RIF1: variants seen among roughly 807,000 people sequenced by gnomAD.
RIF1 encodes replication timing regulatory factor 1.
Under a neutral mutation model 247.1 loss-of-function variants are expected in RIF1, and 45 were observed. That is an observed-to-expected ratio of 0.18 (90% confidence interval 0.14 to 0.23). The LOEUF (loss-of-function observed/expected upper bound fraction) is 0.23, where lower values mean the gene tolerates loss of function less well. Ranked by LOEUF, RIF1 falls within the 10% of genes least tolerant of loss-of-function variation. RIF1 has a pLI of 1.00. For synonymous variants in RIF1, 1,087 were observed against 978.8 expected, an observed-to-expected ratio of 1.11 and a Z score of -2.06; for missense variants, 2,967 against 2,862.5, an observed-to-expected ratio of 1.04 and a Z score of -0.83.
chr2:151,493,274 T>G, intron 9 of RIF1: 5 of 1,090,334 alleles, frequency 4.6e-6, no homozygotes, highest in African/African-American at 1.6e-5. Flanking sequence ...TTCAGTTGAA[T>G]GAGAAAGGCG....
intron 18 of RIF1, among the ~76,000 whole-genome samples, chr2:151,444,291 A>C (rs1020662759): frequency 5.3e-5 from 8 of 152,164 alleles, no homozygotes; most frequent in Admixed American, 2.0e-4. Flanking sequence ...TCAAAAATGA[A>C]ATAACTCGAA....
In RIF1 at chr2:151,456,586, A is replaced by T; in HGVS notation, c.2618A>T (p.Glu873Val). Residue 873 changes from glutamate to valine, a missense_variant, in exon 23 of 36, where the codon GAA becomes GTA. Glu to Val is a moderately radical substitution (Grantham distance 121, BLOSUM62 -2). Coordinates refer to ENST00000444746, the MANE Select transcript of RIF1 (RefSeq NM_018151.5). ...TATTTTATCCTTCCTAGGCTTGATG[A>T]AGTTCCTAAAGTATATAGTTGTCTG... ...ALFYENSKLD[E>V]VPKVYSCLNN... 1 of 1,524,526 alleles carries T rather than the reference A, an allele frequency of 6.6e-7. No individual in the cohort carries two copies. The highest frequency in any genetic ancestry group is 9.0e-7 in the Non-Finnish European group (1 of 1,107,570). The allele number at this position is 1,524,526 out of a possible 1,614,324, so 94.4% of individuals were successfully genotyped here. A position where few individuals can be genotyped will look rare whatever the true frequency, so the allele number is the denominator to read the frequency against.
Position 151,469,884 on chromosome 2 carries a change from C to T in RIF1, c.7095+20C>T. Reference sequence around the variant, plus strand: ...CAGCAGGTAAAAACTTAGATATTAGCTATGATGTATATTAATAAATGATGT... The same window carrying T: ...CAGCAGGTAAAAACTTAGATATTAGTTATGATGTATATTAATAAATGATGT... On this transcript the variant is annotated intron_variant, in intron 34 of 35. Coordinates refer to ENST00000444746, the MANE Select transcript of RIF1 (RefSeq NM_018151.5). 6.4e-7 allele frequency: 1 copy of T among 1,552,424 alleles called. No individual in the cohort carries two copies. The highest frequency in any genetic ancestry group is 8.8e-7 in the Non-Finnish European group (1 of 1,140,408).
At position 151,465,081 on chromosome 2, in the gene RIF1, C is replaced by T. The variant is rs559164678; in HGVS notation, c.5561C>T (p.Ser1854Leu). ...SEAMSLESQE[S>L]PNENFKTVGP... is the part of the protein sequence containing the mutation. ...GCAATGTCTCTTGAAAGCCAGGAGTCACCTAATGAAAATTTTAAAACTGTT... is the reference window on the plus strand; with the variant it reads ...GCAATGTCTCTTGAAAGCCAGGAGTTACCTAATGAAAATTTTAAAACTGTT... Residue 1854 changes from serine to leucine, a missense_variant, in exon 30 of 36, where the codon TCA becomes TTA. Ser to Leu is a moderately radical substitution (Grantham distance 145). Transcript: ENST00000444746. The T allele has an allele frequency of 1.2e-5, 20 of 1,602,242 alleles. No individual in the cohort carries two copies. In the Admixed American group the frequency reaches 2.5e-4, roughly 20 times the overall value.
At chr2:151,492,051 C>T (rs776252260) in intron 9 of RIF1, 2 of 1,570,912 alleles carry the variant, frequency 1.3e-6, no homozygotes, top group Non-Finnish European at 1.7e-6. Flanking sequence ...TGTTCTTCTA[C>T]CCCCTCACTT....
Position 151,429,342 on chromosome 2 carries a change from G to A in RIF1, c.925+420G>A, listed in dbSNP as rs559736581. Among the ~76,000 whole-genome samples the A allele has an allele frequency of 1.8e-3, 276 of 152,098 alleles. 2 individuals are homozygous for A. The highest frequency in any genetic ancestry group is 6.4e-3 in the African/African-American group (264 of 41,508). ...ATTACAGGTGCCCACCACTACACCC[G>A]GCTAATTTGTGCATTTTTAGTAGAG... On this transcript the variant is annotated intron_variant, in intron 9 of 35. Transcript: ENST00000444746.
chr2:151,436,972 T>G lies in RIF1; in HGVS notation c.1341T>G (p.Phe447Leu), dbSNP rs771281409. The change falls in exon 12 of 36, where the codon TTT becomes TTG. Residue 447 changes from phenylalanine (F) to leucine (L), a missense_variant. Phe to Leu is a conservative substitution (Grantham distance 22). Coordinates refer to ENST00000444746, the MANE Select transcript of RIF1 (RefSeq NM_018151.5). ...HFLLGPEALS[F>L]AKQNKLVLSL... The stretch of plus-strand genomic sequence containing the variant: ...TGTTGGGTCCAGAAGCCTTGAGTTT[T>G]GCTAAGCAAAATAAACTTGTGCTGA... 17 of 1,612,726 alleles carry G rather than the reference T, an allele frequency of 1.1e-5. No individual in the cohort carries two copies. The highest frequency in any genetic ancestry group is 1.3e-5 in the Non-Finnish European group (15 of 1,179,722).
In RIF1 at chr2:151,412,926, GTTAC is replaced by G. The variant is rs143218671; in HGVS notation, c.183+1592_183+1595del. Among the ~76,000 whole-genome samples the G allele has an allele frequency of 8.4e-4, 128 of 152,144 alleles. 1 individual carries two copies. The highest frequency in any genetic ancestry group is 1.8e-3 in the Admixed American group (27 of 15,264). On this transcript the variant is annotated intron_variant, in intron 3 of 35. Coordinates refer to ENST00000444746, the MANE Select transcript of RIF1 (RefSeq NM_018151.5). ...TAAGCAGAAACTTTATTGTGTGCTA[GTTAC>G]TTAATATCAGTGTTTATTCCATTTT...
chr2:151,431,906 A>C (rs1051720144), intron 9 of RIF1, among the ~76,000 whole-genome samples: 16 of 152,218 alleles, frequency 1.1e-4, no homozygotes, highest in Admixed American at 4.6e-4. Flanking sequence ...TAGAACTGTT[A>C]ATTGAAATAG....
intron 11 of RIF1, among the ~76,000 whole-genome samples, chr2:151,502,006 CTG>C (rs1232887688): frequency 6.6e-6 from 1 of 152,114 alleles, no homozygotes; most frequent in Non-Finnish European, 1.5e-5. Flanking sequence ...CTGTGAATTG[CTG>C]TGTTGTCTTT....
intron 10 of RIF1, among the ~76,000 whole-genome samples, chr2:151,495,675 CAACAACA>C (rs1484887708): frequency 6.6e-6 from 1 of 152,018 alleles, no homozygotes; most frequent in African/African-American, 2.4e-5. Context: ...AGAACAACAA[CAACAACA>C]AACAAAAAAC....
chr2:151,438,696 G>T lies in RIF1; in HGVS notation c.1496G>T (p.Ser499Ile). The change falls in exon 14 of 36, where the codon AGT becomes ATT. Residue 499 changes from serine (S) to isoleucine (I), a missense_variant. Transcript: ENST00000444746. ...TTTTGTTTGACAGATGTGGTTGTCA[G>T]TGCTATCTGGAAGGAGCTAATTAGC... ...VGKDAPDVVV[S>I]AIWKELISLV... The T allele has an allele frequency of 6.2e-7, 1 of 1,612,172 alleles. No individual in the cohort carries two copies. Among genetic ancestry groups the T allele is most frequent in the East Asian group, 2.2e-5 (1 of 44,840 alleles).
At chr2:151,526,384 A>G in the RIF1 span, 1 of 726,748 alleles carries the variant, frequency 1.4e-6, no homozygotes, top group Non-Finnish European at 2.4e-6. Context: ...AAGATGTGAT[A>G]CTTGCAAATT....
At chr2:151,531,903 T>C in the RIF1 span, 4 of 1,237,212 alleles carry the variant, frequency 3.2e-6, no homozygotes, top group South Asian at 2.6e-5. Context: ...TGATCTAAAT[T>C]GTGGAAGAGA....
In RIF1 at chr2:151,465,145, A is replaced by G. The variant is rs1452387335; in HGVS notation, c.5625A>G (p.Glu1875=). The G allele has an allele frequency of 1.9e-6, 3 of 1,613,664 alleles. No individual in the cohort carries two copies. Among genetic ancestry groups the G allele is most frequent in the South Asian group, 2.2e-5 (2 of 90,940 alleles). The change falls in exon 30 of 36, where the codon GAA becomes GAG. Residue 1875 remains glutamate, a synonymous_variant. Transcript: ENST00000444746. ...CLGDSKNVSQ[E]SLETKEEKPE... ...GAGACTCGAAAAATGTTTCACAGGA[A>G]TCTTTGGAGACAAAAGAAGAAAAAC...
intron 33 of RIF1, 128 bp from the exon 34 acceptor site, chr2:151,469,583 C>CT (rs1005529767): frequency 9.5e-6 from 6 of 628,634 alleles, no homozygotes; most frequent in Non-Finnish European, 1.5e-5. Flanking sequence ...ATACATGTGC[C>CT]TGTCTTCACT....
rs781388591 is a variant in RIF1, at chr2:151,467,927, A to G, written c.6601-73A>G. ...CCACATTCTATTTTTGGGTAACCTCATAATGAAAATTTATGGTGTAATTTT... is the reference window on the plus strand; with the variant it reads ...CCACATTCTATTTTTGGGTAACCTCGTAATGAAAATTTATGGTGTAATTTT... On this transcript the variant is annotated intron_variant, in intron 30 of 35. Coordinates refer to ENST00000444746, the MANE Select transcript of RIF1 (RefSeq NM_018151.5). 4.9e-6 allele frequency: 7 copies of G among 1,439,542 alleles called. No homozygotes were observed. In the South Asian group the frequency reaches 5.5e-5, roughly 11 times the overall value. The allele number at this position is 1,439,542 out of a possible 1,614,324, so 89.2% of individuals were successfully genotyped here. A position where few individuals can be genotyped will look rare whatever the true frequency, so the allele number is the denominator to read the frequency against.
the RIF1 span, chr2:151,524,302 C>G: frequency 3.1e-6 from 5 of 1,610,288 alleles, no homozygotes; most frequent in Non-Finnish European, 4.2e-6. Context: ...GTGCACCCAT[C>G]TGCATTACCT....
At chr2:151,447,676 G>C (rs1025849234) in intron 20 of RIF1, among the ~76,000 whole-genome samples, 10 of 152,178 alleles carry the variant, frequency 6.6e-5, no homozygotes, top group African/African-American at 2.4e-4. Context: ...TTCCCGAGTT[G>C]CTGGGACTAC....
Sources: allele counts gnomAD v4.1 joint callset (sites outside exome capture counted in the v4.1 genomes callset), GRCh38; gene constraint gnomAD v4.1.1; transcripts MANE v1.5; gene names NCBI Gene and HGNC (gene_info 2026-07-23, HGNC 2026-07-21).